Variants in CYP2C19 observed in about 807,000 individuals in gnomAD.
The protein encoded by CYP2C19 is cytochrome P450 2C19.
Under a neutral mutation model 40.9 loss-of-function variants are expected in CYP2C19, and 59 were observed. The ratio of observed to expected loss-of-function variants is 1.44; its 90% CI spans 1.17 to 1.79. The LOEUF (loss-of-function observed/expected upper bound fraction) is 1.79. CYP2C19 is among the 40% of genes most tolerant of loss of function. The probability of loss-of-function intolerance (pLI) is 0.00; values close to 1 mark genes in which losing one functional copy is unlikely to be tolerated. For synonymous variants in CYP2C19, 253 were observed against 208.7 expected, an observed-to-expected ratio of 1.21 and a Z score of -1.83; for missense variants, 754 against 596.9, an observed-to-expected ratio of 1.26 and a Z score of -2.74.
intron 8 of CYP2C19, among the ~76,000 whole-genome samples, chr10:94,850,496 G>A (rs1188402627): frequency 6.6e-6 from 1 of 152,164 alleles, no homozygotes; most frequent in African/African-American, 2.4e-5. Flanking sequence ...AGGGTCTTAA[G>A]AGGCTCACTT....
chr10:94,780,698 A>C, intron 4 of CYP2C19, 39 bp downstream of exon 4: 4 of 1,609,954 alleles, frequency 2.5e-6, no homozygotes, highest in Non-Finnish European at 3.4e-6. Flanking sequence ...AACCACTTAC[A>C]GTCTTTTTTT....
At chr10:94,848,146 C>G (rs556964541) in intron 7 of CYP2C19, among the ~76,000 whole-genome samples, 1 of 152,118 alleles carries the variant, frequency 6.6e-6, no homozygotes, top group Non-Finnish European at 1.5e-5. Context: ...ACATGAAGTC[C>G]TTGCCCATGC....
chr10:94,772,021 C>T (rs1266034038), intron 1 of CYP2C19, among the ~76,000 whole-genome samples: 1 of 152,046 alleles, frequency 6.6e-6, no homozygotes, highest in African/African-American at 2.4e-5. Flanking sequence ...TTCTCAAAAA[C>T]CTGTTAGAGT....
intron 1 of CYP2C19, among the ~76,000 whole-genome samples, chr10:94,768,713 TACA>T (rs983765089): frequency 7.9e-5 from 12 of 152,200 alleles, no homozygotes; most frequent in Non-Finnish European, 1.0e-4. Flanking sequence ...AGCCTTTTGC[TACA>T]ACATCAATTT....
chr10:94,829,176 C>T (rs926907154), intron 6 of CYP2C19, among the ~76,000 whole-genome samples: 13 of 152,016 alleles, frequency 8.6e-5, no homozygotes, highest in African/African-American at 1.7e-4. Flanking sequence ...ATCTTTGTGG[C>T]GTTCTCTGTA....
chr10:94,838,712 T>A (rs1727616676), intron 6 of CYP2C19, among the ~76,000 whole-genome samples: 1 of 152,128 alleles, frequency 6.6e-6, no homozygotes, highest in African/African-American at 2.4e-5. Context: ...GGAGGTAGAC[T>A]GAGGGCTTCC....
intron 7 of CYP2C19, among the ~76,000 whole-genome samples, chr10:94,847,245 A>T (rs1356754883): frequency 6.6e-6 from 1 of 152,050 alleles, no homozygotes; most frequent in East Asian, 1.9e-4. Flanking sequence ...ACCCCAAAAC[A>T]GTCCCTGGTG....
In CYP2C19 at chr10:94,835,877, G is replaced by T. The variant is rs1049747387; in HGVS notation, c.962-6960G>T. On this transcript the variant is annotated intron_variant, in intron 6 of 8. Coordinates refer to ENST00000371321, the MANE Select transcript of CYP2C19 (RefSeq NM_000769.4). ...CCTGGTGTGAGGAGATTACTTTCAA[G>T]TATTCCATTATCACTGACCACTGTG... Among the ~76,000 whole-genome samples the T allele has an allele frequency of 9.9e-5, 15 of 152,254 alleles. No homozygotes were observed. In the East Asian group the frequency reaches 2.9e-3, roughly 29 times the overall value.
intron 6 of CYP2C19, among the ~76,000 whole-genome samples, chr10:94,827,909 AT>A (rs1482704170): frequency 6.6e-6 from 1 of 151,484 alleles, no homozygotes; most frequent in East Asian, 1.9e-4. Flanking sequence ...TTCTGCCTTC[AT>A]TTCGTTATGT....
At chr10:94,799,348 T>C (rs1007816949) in intron 5 of CYP2C19, among the ~76,000 whole-genome samples, 58 of 152,204 alleles carry the variant, frequency 3.8e-4, no homozygotes, top group African/African-American at 1.3e-3. Flanking sequence ...TCTTTTGGCT[T>C]GTATGGTTTC....
chr10:94,789,242 T>A (rs1177445146), intron 5 of CYP2C19, among the ~76,000 whole-genome samples: 1 of 152,084 alleles, frequency 6.6e-6, no homozygotes, highest in Non-Finnish European at 1.5e-5. Flanking sequence ...TTCTGGATAG[T>A]TGCCCTTTGT....
chr10:94,823,252 A>T (rs1349396723), intron 6 of CYP2C19, among the ~76,000 whole-genome samples: 1 of 152,174 alleles, frequency 6.6e-6, no homozygotes, highest in African/African-American at 2.4e-5. Flanking sequence ...TTTCCTACAC[A>T]ACTCTTTTCA....
At position 94,769,998 on chromosome 10, in the gene CYP2C19, T is replaced by C. The variant is rs192413802; in HGVS notation, c.169-5060T>C. ...AGTCTCCCAATTACAACTGAGGAGGTGGGAGAAATACCTGGTTACAGGCTG... is the reference window on the plus strand; with the variant it reads ...AGTCTCCCAATTACAACTGAGGAGGCGGGAGAAATACCTGGTTACAGGCTG... On this transcript the variant is annotated intron_variant, in intron 1 of 8. Transcript: ENST00000371321. 1.9e-4 allele frequency among the ~76,000 whole-genome samples: 29 copies of C among 152,176 alleles called. No homozygotes were observed. In the East Asian group the frequency reaches 5.2e-3, roughly 27 times the overall value.
At chr10:94,844,536 A>G (rs1849544244) in intron 7 of CYP2C19, among the ~76,000 whole-genome samples, 1 of 152,202 alleles carries the variant, frequency 6.6e-6, no homozygotes, top group Admixed American at 6.5e-5. Context: ...CTCTTTTCCA[A>G]TTTAAACCAA....
intron 5 of CYP2C19, among the ~76,000 whole-genome samples, chr10:94,794,543 AT>A (rs1283026413): frequency 6.6e-6 from 1 of 151,866 alleles, no homozygotes; most frequent in African/African-American, 2.4e-5. Context: ...AGCATGGAAT[AT>A]TTTTTCCATT....
At chr10:94,832,706 G>C (rs991887150) in intron 6 of CYP2C19, among the ~76,000 whole-genome samples, 10 of 151,802 alleles carry the variant, frequency 6.6e-5, no homozygotes, top group Non-Finnish European at 1.5e-4. Flanking sequence ...GATTCCTCCA[G>C]TTTTGTTTTT....
intron 5 of CYP2C19, among the ~76,000 whole-genome samples, chr10:94,791,545 C>A (rs1848605898): frequency 6.6e-6 from 1 of 152,122 alleles, no homozygotes; most frequent in Non-Finnish European, 1.5e-5. Context: ...AAATGTGTCC[C>A]AGAAATTCTG....
chr10:94,827,178 A>G (rs982021296), intron 6 of CYP2C19, among the ~76,000 whole-genome samples: 1 of 151,678 alleles, frequency 6.6e-6, no homozygotes, highest in African/African-American at 2.4e-5. Flanking sequence ...TGGCCTCATA[A>G]AATGAGTTAG....
intron 3 of CYP2C19, among the ~76,000 whole-genome samples, chr10:94,779,348 C>T (rs536054894): frequency 6.6e-6 from 1 of 152,126 alleles, no homozygotes; most frequent in South Asian, 2.1e-4. Context: ...AGAGATCCTC[C>T]ACCAAACAAG....
Sources: allele counts gnomAD v4.1 joint callset (sites outside exome capture counted in the v4.1 genomes callset), GRCh38; gene constraint gnomAD v4.1.1; transcripts MANE v1.5; gene names NCBI Gene and HGNC (gene_info 2026-07-23, HGNC 2026-07-21).